The following NRG1 variants were observed in gnomAD, a reference collection of about 807,000 sequenced individuals.
NRG1 encodes the protein pro-neuregulin-1, membrane-bound isoform.
In NRG1, 18 loss-of-function variants were observed where a neutral mutation model predicts 63.8. That is an observed-to-expected ratio of 0.28 (90% CI 0.19 to 0.42). The LOEUF is 0.42. Ranked by LOEUF, NRG1 falls within the 10% of genes least tolerant of loss-of-function variation. The probability of loss-of-function intolerance (pLI) is 1.00; values close to 1 mark genes in which losing one functional copy is unlikely to be tolerated. For synonymous variants in NRG1, 302 were observed against 301.3 expected, an observed-to-expected ratio of 1.00 and a Z score of -0.02; for missense variants, 762 against 814.7, an observed-to-expected ratio of 0.94 and a Z score of 0.79.
chr8:32,104,846 T>C (rs976361354), intron 1 of NRG1, among the ~76,000 whole-genome samples: 1 of 151,974 alleles, frequency 6.6e-6, no homozygotes, highest in African/African-American at 2.4e-5. Flanking sequence ...TCATCTCCTA[T>C]AACAATGCCT....
At chr8:31,670,534 A>G (rs372874683) in intron 1 of NRG1, among the ~76,000 whole-genome samples, 14 of 152,158 alleles carry the variant, frequency 9.2e-5, no homozygotes, top group African/African-American at 3.4e-4. Flanking sequence ...ATTGGCAGAA[A>G]TGTACTACTG....
intron 1 of NRG1, among the ~76,000 whole-genome samples, chr8:31,664,349 G>A (rs1806309480): frequency 6.6e-6 from 1 of 152,190 alleles, no homozygotes; most frequent in Non-Finnish European, 1.5e-5. Flanking sequence ...CCTGGGTGGA[G>A]GGAAGCAGGG....
intron 1 of NRG1, among the ~76,000 whole-genome samples, chr8:32,068,301 T>C (rs1825201689): frequency 6.6e-6 from 1 of 152,186 alleles, no homozygotes; most frequent in Non-Finnish European, 1.5e-5. Context: ...ATGGGCAGGC[T>C]GAGGTGGGAT....
At chr8:31,751,741 A>T (rs1563359820) in intron 1 of NRG1, among the ~76,000 whole-genome samples, 1 of 151,902 alleles carries the variant, frequency 6.6e-6, no homozygotes, top group South Asian at 2.1e-4. Context: ...AGAGAGATAG[A>T]GAGTTTGGGG....
At chr8:32,420,544 T>C (rs1271016815) in intron 1 of NRG1, among the ~76,000 whole-genome samples, 1 of 151,874 alleles carries the variant, frequency 6.6e-6, no homozygotes, top group Non-Finnish European at 1.5e-5. Context: ...TCTCTCTCTT[T>C]TTTTTTTTTC....
At chr8:32,057,300 A>C (rs530497974) in intron 1 of NRG1, among the ~76,000 whole-genome samples, 2 of 152,218 alleles carry the variant, frequency 1.3e-5, no homozygotes, top group East Asian at 3.9e-4. Context: ...TTGGTCAGCT[A>C]TTGCTTTTCT....
At chr8:32,703,233 A>G (rs1479890609) in intron 5 of NRG1, among the ~76,000 whole-genome samples, 1 of 152,118 alleles carries the variant, frequency 6.6e-6, no homozygotes. Flanking sequence ...CTTTAACTGA[A>G]TTTATTAGGG....
intron 1 of NRG1, among the ~76,000 whole-genome samples, chr8:31,654,369 C>T (rs1291663241): frequency 1.3e-5 from 2 of 152,150 alleles, no homozygotes; most frequent in South Asian, 2.1e-4. Flanking sequence ...CAGGAGTAGT[C>T]TTTTGTGCAT....
chr8:32,270,014 A>G lies in NRG1; in HGVS notation c.38-325814A>G, dbSNP rs566284402. On this transcript the variant is annotated intron_variant, in intron 1 of 10. Transcript: ENST00000519301. Reference sequence around the variant, plus strand: ...AAGAAATATAACATCTGCTTTTTATACATAAATACCTACACGTAACCATCC... The same window carrying G: ...AAGAAATATAACATCTGCTTTTTATGCATAAATACCTACACGTAACCATCC... 5.9e-5 allele frequency among the ~76,000 whole-genome samples: 9 copies of G among 152,310 alleles called. No homozygotes were observed. In the East Asian group the frequency reaches 1.7e-3, roughly 29 times the overall value.
chr8:32,212,721 T>C (rs547590171), intron 1 of NRG1, among the ~76,000 whole-genome samples: 1 of 152,316 alleles, frequency 6.6e-6, no homozygotes, highest in East Asian at 1.9e-4. Context: ...GAAGTATTAA[T>C]ATAAATCTAG....
intron 1 of NRG1, among the ~76,000 whole-genome samples, chr8:31,656,175 G>C (rs191752082): frequency 6.6e-6 from 1 of 152,112 alleles, no homozygotes; most frequent in Non-Finnish European, 1.5e-5. Context: ...GGAAGCATAA[G>C]GAACAGCCAC....
intron 1 of NRG1, among the ~76,000 whole-genome samples, chr8:31,908,118 T>C (rs1832674373): frequency 1.3e-5 from 2 of 152,220 alleles, no homozygotes; most frequent in Non-Finnish European, 2.9e-5. Context: ...AAGCCATTAA[T>C]GAATTAACTT....
intron 1 of NRG1, among the ~76,000 whole-genome samples, chr8:32,177,384 G>T (rs887507709): frequency 3.3e-5 from 5 of 151,640 alleles, no homozygotes; most frequent in Non-Finnish European, 1.5e-5. Flanking sequence ...TGTTAAATGA[G>T]GAGTTAATGG....
At chr8:32,344,395 T>TCTTTCTTCCTCTTTCTTTC (rs1554513749) in intron 1 of NRG1, among the ~76,000 whole-genome samples, 2 of 124,202 alleles carry the variant, frequency 1.6e-5, no homozygotes, top group Admixed American at 8.4e-5. Flanking sequence ...TTTCTTTCTT[T>TCTTTCTTCCTCTTTCTTTC]TTTGTGCATG....
chr8:31,887,088 G>A (rs1056315549), intron 1 of NRG1, among the ~76,000 whole-genome samples: 7 of 152,026 alleles, frequency 4.6e-5, no homozygotes, highest in African/African-American at 1.7e-4. Context: ...CTTAATCAGT[G>A]AACAGATTTC....
intron 1 of NRG1, among the ~76,000 whole-genome samples, chr8:31,978,685 C>T (rs1808589350): frequency 6.6e-6 from 1 of 152,036 alleles, no homozygotes; most frequent in Non-Finnish European, 1.5e-5. Flanking sequence ...AGGGAAAATA[C>T]TAATAAGCAA....
intron 1 of NRG1, among the ~76,000 whole-genome samples, chr8:32,219,349 A>G (rs925721436): frequency 7.2e-5 from 11 of 152,226 alleles, no homozygotes. Flanking sequence ...AAAAGAAAGA[A>G]ATCTGCATTC....
At chr8:32,696,656 CTTTTTT>C (rs143232293) in intron 5 of NRG1, among the ~76,000 whole-genome samples, 1 of 86,596 alleles carries the variant, frequency 1.2e-5, no homozygotes, top group Admixed American at 1.2e-4. Flanking sequence ...TATAATCTAT[CTTTTTT>C]TTTTTTTTTT....
At chr8:32,434,209 T>TAA (rs1266373220) in intron 1 of NRG1, among the ~76,000 whole-genome samples, 96 of 151,538 alleles carry the variant, frequency 6.3e-4, no homozygotes, top group African/African-American at 2.3e-3. Flanking sequence ...TAAAATAAAA[T>TAA]AAAATAAAAA....
Sources: allele counts gnomAD v4.1 joint callset (sites outside exome capture counted in the v4.1 genomes callset), GRCh38; gene constraint gnomAD v4.1.1; transcripts MANE v1.5; gene names NCBI Gene and HGNC (gene_info 2026-07-23, HGNC 2026-07-21).